ZNF17: variants seen among roughly 807,000 people sequenced by gnomAD.
The protein encoded by ZNF17 is zinc finger protein 17, also known as zinc finger protein 17 (HPF3, KOX 10).
A neutral mutation model predicts 7.7 loss-of-function variants in ZNF17; 4 were observed. The observed-to-expected ratio is 0.52, with a 90% confidence interval of 0.26 to 1.20. The LOEUF is 1.20. ZNF17 is among the 50% of genes most tolerant of loss of function. The probability of loss-of-function intolerance (pLI) is 0.14; values close to 1 mark genes in which losing one functional copy is unlikely to be tolerated. For missense variants in ZNF17, 738 were observed against 799.5 expected (o/e 0.92, Z 0.93); for synonymous variants, 249 against 258.8 (o/e 0.96, Z 0.36).
At chr19:57,413,696 G>A (rs2088793220) in intron 2 of ZNF17, 60 bp downstream of exon 2, 1 of 1,521,712 alleles carries the variant, frequency 6.6e-7, no homozygotes, top group African/African-American at 1.4e-5. Flanking sequence ...TGCTGATATA[G>A]GGAATGGTGT....
intron 1 of ZNF17, among the ~76,000 whole-genome samples, chr19:57,412,387 A>G (rs1206778957): frequency 6.6e-6 from 1 of 152,124 alleles, no homozygotes; most frequent in African/African-American, 2.4e-5. Context: ...TGATGGGACC[A>G]GTAACTGACC....
chr19:57,418,171 A>C (rs1046684198), intron 3 of ZNF17, 133 bp downstream of exon 3: 87 of 1,203,786 alleles, frequency 7.2e-5, no homozygotes, highest in Non-Finnish European at 9.7e-5. Flanking sequence ...GTGTTGTGGC[A>C]GCTACAGCTG....
rs184514307 is a variant in ZNF17 at position 57,418,166 on chromosome 19, G to A, written c.148+128G>A. On this transcript the variant is annotated intron_variant, in intron 3 of 3. Transcript: ENST00000307658. ...CTCCTGGTTTCCTGGCATATGTGTT[G>A]TGGCAGCTACAGCTGGGCTGTGTGA... is the stretch of plus-strand genomic sequence containing the variant. 38 of 1,250,568 alleles carry A rather than the reference G, an allele frequency of 3.0e-5. No individual in the cohort carries two copies. In the East Asian group the frequency reaches 8.4e-4, roughly 28 times the overall value. 77.5% of individuals were successfully genotyped at this position (1,250,568 alleles called of 1,614,324 possible).
intron 2 of ZNF17, among the ~76,000 whole-genome samples, chr19:57,417,393 AT>A (rs1420267098): frequency 6.6e-6 from 1 of 152,104 alleles, no homozygotes; most frequent in Non-Finnish European, 1.5e-5. Flanking sequence ...CCTTGTGTTG[AT>A]TTAGGGCAGG....
Position 57,415,075 on chromosome 19 carries a change from G to A in ZNF17, c.21+1439G>A, listed in dbSNP as rs560551057. ...AATGGAGGACAGAGTGAGAGTTAGG[G>A]AAGAACCAAGGATACCTGGGTGATA... On this transcript the variant is annotated intron_variant, in intron 2 of 3. Coordinates refer to ENST00000307658, the MANE Select transcript of ZNF17 (RefSeq NM_001330617.2). 8.6e-4 allele frequency among the ~76,000 whole-genome samples: 131 copies of A among 152,308 alleles called. 1 individual carries two copies. Among genetic ancestry groups the A allele is most frequent in the African/African-American group, 3.1e-3 (129 of 41,572 alleles).
At chr19:57,418,250 C>G (rs528237904) in intron 3 of ZNF17, among the ~76,000 whole-genome samples, 1 of 152,230 alleles carries the variant, frequency 6.6e-6, no homozygotes, top group South Asian at 2.1e-4. Context: ...TTATAAGGCT[C>G]AAAAGTCAGA....
In ZNF17 at chr19:57,411,249, C is replaced by T; in HGVS notation, c.-178C>T. 2 of 1,224,518 alleles carry T rather than the reference C, an allele frequency of 1.6e-6. No individual in the cohort carries two copies. The highest frequency in any genetic ancestry group is 2.2e-6 in the Non-Finnish European group (2 of 893,256). The allele number at this position is 1,224,518 out of a possible 1,614,324, so 75.9% of individuals were successfully genotyped here. A position where few individuals can be genotyped will look rare whatever the true frequency, so the allele number is the denominator to read the frequency against. On this transcript the variant is annotated 5_prime_UTR_variant, in exon 1 of 4. In the 5' UTR this introduces an upstream ATG that the reference lacks. Coordinates refer to ENST00000307658, the MANE Select transcript of ZNF17 (RefSeq NM_001330617.2). ...AGACTGAGGTGAAAAAGCGGAAAAA[C>T]GCGAGAAAAGGTTTCCCCGTTGTAC...
intron 1 of ZNF17, among the ~76,000 whole-genome samples, chr19:57,413,203 A>T (rs1489874722): frequency 6.6e-6 from 1 of 152,146 alleles, no homozygotes; most frequent in African/African-American, 2.4e-5. Context: ...ATTTGCTTGC[A>T]ATGGAAAGTT....
chr19:57,420,219 G>A lies in ZNF17; in HGVS notation c.733G>A (p.Glu245Lys). 1 of 1,613,772 alleles carries A rather than the reference G, an allele frequency of 6.2e-7. No homozygotes were observed. The highest frequency in any genetic ancestry group is 8.5e-7 in the Non-Finnish European group (1 of 1,179,684). The change falls in exon 4 of 4, where the codon GAA (glutamate) becomes AAA (lysine). Residue 245 changes from glutamate to lysine, a missense_variant. By Grantham distance (56) the Glu-to-Lys change is moderately conservative (BLOSUM62 1). Around this residue, in one of 3 missense-constraint regions of ZNF17, gnomAD observed 616 missense variants for 663.9 expected, o/e 0.93. Transcript: ENST00000307658. ...TAAACATCAGCGAAATCATACTGGA[G>A]AAAGGCCTTATAAGTGTAGTGAATG... Reference protein sequence around the residue: ...LIKHQRNHTGERPYKCSECGK... With the variant: ...LIKHQRNHTGKRPYKCSECGK...
intron 1 of ZNF17, among the ~76,000 whole-genome samples, chr19:57,412,173 G>A (rs979280361): frequency 1.1e-4 from 17 of 152,164 alleles, no homozygotes; most frequent in Admixed American, 5.9e-4. Context: ...AACTGGCCTA[G>A]GCTGGAGACT....
rs780328179 is a variant in ZNF17 at position 57,421,268 on chromosome 19, G to A, written c.1782G>A (p.Met594Ile). 1.2e-6 allele frequency: 2 copies of A among 1,613,688 alleles called. No homozygotes were observed. Among genetic ancestry groups the A allele is most frequent in the South Asian group, 2.2e-5 (2 of 91,058 alleles). ...YKCSKCGKFF[M>I]DSSTLISHER... is the part of the protein sequence containing the mutation. ...GCAGCAAATGTGGGAAATTTTTTAT[G>A]GACAGCTCCACACTCATTAGTCATG... The change falls in exon 4 of 4, where the codon ATG (methionine) becomes ATA (isoleucine). Residue 594 changes from methionine to isoleucine, a missense_variant. Around this residue, in one of 3 missense-constraint regions of ZNF17, gnomAD observed 116 missense variants for 114.0 expected, o/e 1.02. Transcript: ENST00000307658.
chr19:57,417,111 A>C (rs2088815625), intron 2 of ZNF17, among the ~76,000 whole-genome samples: 1 of 151,714 alleles, frequency 6.6e-6, no homozygotes, highest in Non-Finnish European at 1.5e-5. Context: ...TTTTTTTTTC[A>C]ATTGGTGAGA....
At position 57,421,231 on chromosome 19, in the gene ZNF17, G is replaced by T. The variant is rs1402943772; in HGVS notation, c.1745G>T (p.Arg582Ile). Residue 582 changes from arginine (R) to isoleucine (I), a missense_variant, in exon 4 of 4, where the codon AGA (arginine) becomes ATA (isoleucine). Physicochemically the swap from Arg to Ile is moderately conservative, Grantham distance 97 (BLOSUM62 -3). Around this residue, in one of 3 missense-constraint regions of ZNF17, gnomAD observed 116 missense variants for 114.0 expected, o/e 1.02. Coordinates refer to ENST00000307658, the MANE Select transcript of ZNF17 (RefSeq NM_001330617.2). ...CACCAAAAAGTTCACACTAGGGAAA[G>T]AACTTACAAATGCAGCAAATGTGGG... ...IRHQKVHTRE[R>I]TYKCSKCGKF... The T allele has an allele frequency of 1.2e-6, 2 of 1,614,022 alleles. No homozygotes were observed. Among genetic ancestry groups the T allele is most frequent in the Non-Finnish European group, 8.5e-7 (1 of 1,180,002 alleles).
chr19:57,415,150 G>A (rs1351542414), intron 2 of ZNF17, among the ~76,000 whole-genome samples: 1 of 152,176 alleles, frequency 6.6e-6, no homozygotes, highest in African/African-American at 2.4e-5. Flanking sequence ...CACGAGTGGC[G>A]GCTGTGGAGG....
chr19:57,421,636 G>A lies in ZNF17; in HGVS notation c.*155G>A. 5.3e-6 allele frequency: 4 copies of A among 759,780 alleles called. No individual in the cohort carries two copies. Among genetic ancestry groups the A allele is most frequent in the South Asian group, 5.1e-5 (2 of 39,476 alleles). 47.1% of individuals were successfully genotyped at this position (759,780 alleles called of 1,614,324 possible). On this transcript the variant is annotated 3_prime_UTR_variant, in exon 4 of 4. Coordinates refer to ENST00000307658, the MANE Select transcript of ZNF17 (RefSeq NM_001330617.2). ...ATGTTAAAGTGTATAGTTCAGTACT[G>A]TTAAGTCATTCACATTGTGCAATGA...
rs200011699 is a variant in ZNF17, at chr19:57,418,039, G to A, written c.148+1G>A. ...AACTTTGCACTTTTGTCCTCAGTAG[G>A]TAAGGCCCTGACACCTACGTCAGTG... On this transcript the variant is annotated splice_donor_variant, in intron 3 of 3. Transcript: ENST00000307658. LOFTEE classifies it high-confidence loss of function. 4.5e-5 allele frequency: 73 copies of A among 1,612,612 alleles called. No homozygotes were observed. In the African/African-American group the frequency reaches 9.4e-4, roughly 21 times the overall value.
In ZNF17 at chr19:57,420,825, A is replaced by T; in HGVS notation, c.1339A>T (p.Asn447Tyr). 6.2e-7 allele frequency: 1 copy of T among 1,614,166 alleles called. No individual in the cohort carries two copies. The highest frequency in any genetic ancestry group is 8.5e-7 in the Non-Finnish European group (1 of 1,180,022). Residue 447 changes from asparagine to tyrosine, a missense_variant, in exon 4 of 4, where the codon AAC (asparagine) becomes TAC (tyrosine). Transcript: ENST00000307658. ...VHTGEKPYEC[N>Y]KCGKFFRYCF... ...TACTGGAGAAAAGCCTTATGAATGC[A>T]ACAAATGTGGGAAATTCTTTAGGTA...
At chr19:57,419,422 T>TC (rs759663978) in intron 3 of ZNF17, 59 of 539,580 alleles carry the variant, frequency 1.1e-4, no homozygotes, top group Non-Finnish European at 1.8e-4. Context: ...ACTGTACCAC[T>TC]CCCTATGTTG....
At chr19:57,414,745 C>G (rs2088801065) in intron 2 of ZNF17, among the ~76,000 whole-genome samples, 1 of 150,590 alleles carries the variant, frequency 6.6e-6, no homozygotes, top group African/African-American at 2.4e-5. Context: ...GAGTCTCCCT[C>G]TGTCGCCCAG....
Sources: allele counts gnomAD v4.1 joint callset (sites outside exome capture counted in the v4.1 genomes callset), GRCh38; gene constraint gnomAD v4.1.1; regional missense constraint gnomAD v4.1.1; transcripts MANE v1.5; gene names NCBI Gene and HGNC (gene_info 2026-07-23, HGNC 2026-07-21).